COL1A1: variants seen among roughly 807,000 people sequenced by gnomAD.
COL1A1 encodes the protein collagen type I alpha 1 chain.
COL1A1 carries 21 observed loss-of-function variants against 195.7 expected under a neutral mutation model. The observed-to-expected ratio is 0.11, with a 90% CI of 0.08 to 0.15. The LOEUF (loss-of-function observed/expected upper bound fraction) is 0.15. COL1A1 is among the 10% of genes least tolerant of loss of function. The pLI is 1.00. For missense variants in COL1A1, 1,365 were observed against 2,051.0 expected (o/e 0.67, Z 6.46); for synonymous variants, 749 against 747.3 (o/e 1.00, Z -0.04).
At position 50,201,451 on chromosome 17, in the gene COL1A1, G is replaced by A. The variant is rs536939800; in HGVS notation, c.63C>T (p.His21=). The change falls in exon 1 of 51, where the codon CAC becomes CAT. Residue 21 remains histidine (H), a synonymous_variant. Coordinates refer to ENST00000225964, the MANE Select transcript of COL1A1 (RefSeq NM_000088.4). The stretch of plus-strand genomic sequence containing the variant: ...CCTCGACTTGGCCTTCCTCTTGGCC[G>A]TGCGTCAGGAGGGCGGTGGCCGCTA... ...LLLAATALLT[H]GQEEGQVEGQ... is the part of the protein sequence containing the mutation. 1.2e-5 allele frequency: 20 copies of A among 1,613,620 alleles called. 1 individual carries two copies. The highest frequency in any genetic ancestry group is 5.5e-5 in the South Asian group (5 of 91,062).
In COL1A1 at chr17:50,188,680, G is replaced by T. The variant is rs780931952; in HGVS notation, c.3100-43C>A. ...GGAATATGGGTCAGCCCCGGGTGAA[G>T]GGCCAGGATGGGGCAGGGAAGCAGC... On this transcript the variant is annotated intron_variant, in intron 42 of 50. Coordinates refer to ENST00000225964, the MANE Select transcript of COL1A1 (RefSeq NM_000088.4). This position sits in a 1 kb window ranked among gnomAD's most constrained non-coding sequence, Gnocchi z 5.6. The T allele has an allele frequency of 1.2e-6, 2 of 1,613,310 alleles. No homozygotes were observed. The highest frequency in any genetic ancestry group is 1.3e-5 in the African/African-American group (1 of 74,868).
In COL1A1 at chr17:50,190,608, G is replaced by GGA. The variant is rs762799227; in HGVS notation, c.2344-14_2344-13dup. The GGA allele has an allele frequency of 6.2e-7, 1 of 1,612,968 alleles. No homozygotes were observed. Among genetic ancestry groups the GGA allele is most frequent in the South Asian group, 1.1e-5 (1 of 91,008 alleles). ...GGACCACTTTCACCCTGAGAGCAAG[G>GGA]GACAAGAGGCTCAGGGTCAGGGCCT... On this transcript the variant is annotated splice_polypyrimidine_tract_variant and intron_variant, in intron 33 of 50. Coordinates refer to ENST00000225964, the MANE Select transcript of COL1A1 (RefSeq NM_000088.4). This position sits in a 1 kb window ranked among gnomAD's most constrained non-coding sequence, Gnocchi z 4.7.
intron 9 of COL1A1, 55 bp from the exon 10 acceptor site, chr17:50,197,288 G>T: frequency 6.3e-7 from 1 of 1,581,732 alleles, no homozygotes; most frequent in Non-Finnish European, 8.7e-7. Flanking sequence ...CCGCCTAGGG[G>T]CTGGAAAAGT....
chr17:50,193,189 G>A (rs1199839943), intron 25 of COL1A1, 142 bp from the exon 26 acceptor site: 18 of 824,390 alleles, frequency 2.2e-5, no homozygotes, highest in Non-Finnish European at 3.1e-5. Context: ...GCCCCTGCAG[G>A]TGCTTCTTGC....
Position 50,190,075 on chromosome 17 carries a change from G to C in COL1A1, c.2485C>G (p.Pro829Ala). The C allele has an allele frequency of 6.2e-7, 1 of 1,613,846 alleles. No individual in the cohort carries two copies. The highest frequency in any genetic ancestry group is 8.5e-7 in the Non-Finnish European group (1 of 1,179,950). ...ADGQPGAKGE[P>A]GDAGAKGDAG... ...TCGCCTTTAGCACCAGCATCACCAG[G>C]TTCGCCTTTAGCACCAGGTTGGCCG... Residue 829 changes from proline (P) to alanine (A), a missense_variant, in exon 36 of 51, where the codon CCT becomes GCT. By Grantham distance (27) the Pro-to-Ala change is conservative. Around this residue, in one of 5 missense-constraint regions of COL1A1, gnomAD observed 671 missense variants for 1,099.9 expected, o/e 0.61. Coordinates refer to ENST00000225964, the MANE Select transcript of COL1A1 (RefSeq NM_000088.4). This position sits in a 1 kb window ranked among gnomAD's most constrained non-coding sequence, Gnocchi z 4.7.
At position 50,195,482 on chromosome 17, in the gene COL1A1, T is replaced by A. The variant is rs954564659; in HGVS notation, c.1156-4A>T. The A allele has an allele frequency of 1.9e-6, 3 of 1,613,876 alleles. No homozygotes were observed. The highest frequency in any genetic ancestry group is 2.5e-6 in the Non-Finnish European group (3 of 1,179,950). On this transcript the variant is annotated splice_polypyrimidine_tract_variant and splice_region_variant and intron_variant, in intron 17 of 50. Coordinates refer to ENST00000225964, the MANE Select transcript of COL1A1 (RefSeq NM_000088.4). The surrounding 1 kb of genome is among the most constrained non-coding windows in gnomAD (Gnocchi z 4.3). ...GTCCATCAGCACCAGGGTTTCCCTGTGGCACAGAGAAAGGAGTGTCAGCAA... is the reference window on the plus strand; with the variant it reads ...GTCCATCAGCACCAGGGTTTCCCTGAGGCACAGAGAAAGGAGTGTCAGCAA...
Position 50,190,641 on chromosome 17 carries a change from A to G in COL1A1, c.2344-45T>C. The G allele has an allele frequency of 1.9e-6, 3 of 1,600,378 alleles. No individual in the cohort carries two copies. Among genetic ancestry groups the G allele is most frequent in the Non-Finnish European group, 1.7e-6 (2 of 1,169,074 alleles). ...GGCTCAGGGTCAGGGCCTCCCCTGA[A>G]TACTCCTAGTAGATGACCCCAGGAG... On this transcript the variant is annotated intron_variant, in intron 33 of 50. Transcript: ENST00000225964. This position sits in a 1 kb window ranked among gnomAD's most constrained non-coding sequence, Gnocchi z 4.7.
chr17:50,191,063 T>C (rs1907031769), intron 32 of COL1A1, 139 bp from the exon 33 acceptor site: 2 of 873,086 alleles, frequency 2.3e-6, no homozygotes, highest in Admixed American at 2.0e-5. Flanking sequence ...CAAAGATTCT[T>C]TCAGGAAAAA....
Position 50,188,576 on chromosome 17 carries a change from G to A in COL1A1, c.3161C>T (p.Pro1054Leu), listed in dbSNP as rs756799633. The A allele has an allele frequency of 2.1e-5, 34 of 1,614,090 alleles. No homozygotes were observed. Among genetic ancestry groups the A allele is most frequent in the Non-Finnish European group, 2.9e-5 (34 of 1,180,002 alleles). Residue 1054 changes from proline (P) to leucine (L), a missense_variant, in exon 43 of 51, where the codon CCT becomes CTT. Physicochemically the swap from Pro to Leu is moderately conservative, Grantham distance 98 (BLOSUM62 -3). Around this residue, in one of 5 missense-constraint regions of COL1A1, gnomAD observed 671 missense variants for 1,099.9 expected, o/e 0.61. Coordinates refer to ENST00000225964, the MANE Select transcript of COL1A1 (RefSeq NM_000088.4). This position sits in a 1 kb window ranked among gnomAD's most constrained non-coding sequence, Gnocchi z 5.6. ...PPGAPGAPGA[P>L]GPVGPAGKSG... The stretch of plus-strand genomic sequence containing the variant: ...CTTGCCAGCAGGGCCAACGGGGCCA[G>A]GGGCACCAGGAGCACCAGGAGCACC...
rs2144574290 is a variant in COL1A1 at position 50,195,016 on chromosome 17, G to A, written c.1353+31C>T. The A allele has an allele frequency of 6.2e-7, 1 of 1,610,604 alleles. No homozygotes were observed. The highest frequency in any genetic ancestry group is 8.5e-7 in the Non-Finnish European group (1 of 1,177,488). Reference sequence around the variant, plus strand: ...GGGGGCTCCTAGGGCAGGGTGGGCTGGGCTGCAAGAAGGATGGCGGGGAGA... The same window carrying A: ...GGGGGCTCCTAGGGCAGGGTGGGCTAGGCTGCAAGAAGGATGGCGGGGAGA... On this transcript the variant is annotated intron_variant, in intron 20 of 50. Coordinates refer to ENST00000225964, the MANE Select transcript of COL1A1 (RefSeq NM_000088.4). The surrounding 1 kb of genome is among the most constrained non-coding windows in gnomAD (Gnocchi z 4.3).
chr17:50,196,104 A>C, intron 15 of COL1A1, 51 bp downstream of exon 15: 1 of 1,612,478 alleles, frequency 6.2e-7, no homozygotes, highest in Non-Finnish European at 8.5e-7. Context: ...AAGAGCAGAT[A>C]CTGAGACCCC....
At chr17:50,200,468 C>T (rs1377100426) in intron 1 of COL1A1, among the ~76,000 whole-genome samples, 3 of 152,162 alleles carry the variant, frequency 2.0e-5, no homozygotes, top group African/African-American at 7.2e-5. Flanking sequence ...CCCCCCAAGA[C>T]TTGAAATGTA....
At position 50,189,153 on chromosome 17, in the gene COL1A1, G is replaced by A. The variant is rs781719159; in HGVS notation, c.2937+15C>T. 8.1e-6 allele frequency: 13 copies of A among 1,607,768 alleles called. No individual in the cohort carries two copies. The highest frequency in any genetic ancestry group is 1.1e-5 in the Non-Finnish European group (13 of 1,174,404). ...GGTTTTTCTCAGGGCCCCCCAAGGT[G>A]AGGGGGGCACTTACAGAGGGGCCAG... On this transcript the variant is annotated intron_variant, in intron 40 of 50. Transcript: ENST00000225964. This position sits in a 1 kb window ranked among gnomAD's most constrained non-coding sequence, Gnocchi z 5.5.
In COL1A1 at chr17:50,189,141, G is replaced by T. The variant is rs1211514982; in HGVS notation, c.2937+27C>A. The stretch of plus-strand genomic sequence containing the variant: ...AAGTCCTGTGATGGTTTTTCTCAGG[G>T]CCCCCCAAGGTGAGGGGGGCACTTA... On this transcript the variant is annotated intron_variant, in intron 40 of 50. Coordinates refer to ENST00000225964, the MANE Select transcript of COL1A1 (RefSeq NM_000088.4). This position sits in a 1 kb window ranked among gnomAD's most constrained non-coding sequence, Gnocchi z 5.5. 3.1e-6 allele frequency: 5 copies of T among 1,607,666 alleles called. No individual in the cohort carries two copies. The highest frequency in any genetic ancestry group is 3.4e-6 in the Non-Finnish European group (4 of 1,174,640).
chr17:50,199,326 C>T lies in COL1A1; in HGVS notation c.371G>A (p.Gly124Glu). ...KGDTGPRGPR[G>E]PAGPPGRDGI... ...ATCTCGGCCAGGGGGGCCTGCGGGT[C>T]CCTGCAGGGGGAGAGGGCGGGGCCG... is the stretch of plus-strand genomic sequence containing the variant. The change falls in exon 5 of 51, where the codon GGA (glycine) becomes GAA (glutamate). Residue 124 changes from glycine (G) to glutamate (E), a missense_variant and splice_region_variant. Around this residue, in one of 5 missense-constraint regions of COL1A1, gnomAD observed 194 missense variants for 221.7 expected, o/e 0.88. Coordinates refer to ENST00000225964, the MANE Select transcript of COL1A1 (RefSeq NM_000088.4). 1 of 1,564,080 alleles carries T rather than the reference C, an allele frequency of 6.4e-7. No individual in the cohort carries two copies. Among genetic ancestry groups the T allele is most frequent in the South Asian group, 1.2e-5 (1 of 85,738 alleles).
At position 50,195,466 on chromosome 17, in the gene COL1A1, C is replaced by T. The variant is rs116794104; in HGVS notation, c.1168G>A (p.Ala390Thr). ...CCTTTAGCACCAGGCTGTCCATCAGCACCAGGGTTTCCCTGTGGCACAGAG... is the reference window on the plus strand; with the variant it reads ...CCTTTAGCACCAGGCTGTCCATCAGTACCAGGGTTTCCCTGTGGCACAGAG... ...GAAGPAGNPG[A>T]DGQPGAKGAN... The change falls in exon 18 of 51, where the codon GCT becomes ACT. Residue 390 changes from alanine to threonine, a missense_variant. By Grantham distance (58) the Ala-to-Thr change is moderately conservative (BLOSUM62 0). This residue lies in a region of COL1A1 where 226 missense variants were observed against 372.9 expected (regional missense o/e 0.61). Coordinates refer to ENST00000225964, the MANE Select transcript of COL1A1 (RefSeq NM_000088.4). The surrounding 1 kb of genome is among the most constrained non-coding windows in gnomAD (Gnocchi z 4.3). 7.6e-4 allele frequency: 1,223 copies of T among 1,614,120 alleles called. 7 individuals carry two copies. The African/African-American group carries it at 0.013, about 17-fold the overall frequency.
chr17:50,194,637 AGAG>A lies in COL1A1; in HGVS notation c.1462-14_1462-12del. 1 of 1,559,504 alleles carries A rather than the reference AGAG, an allele frequency of 6.4e-7. No individual in the cohort carries two copies. Among genetic ancestry groups the A allele is most frequent in the Non-Finnish European group, 8.7e-7 (1 of 1,151,440 alleles). The stretch of plus-strand genomic sequence containing the variant: ...GCTACCAGGTCCACCCTGCAGGAGG[AGAG>A]GAGGCCAGTGAACTCCGCGACACAC... On this transcript the variant is annotated splice_polypyrimidine_tract_variant and intron_variant, in intron 21 of 50. Transcript: ENST00000225964. The surrounding 1 kb of genome is among the most constrained non-coding windows in gnomAD (Gnocchi z 6.8).
At chr17:50,198,139 T>A (rs1907759830) in intron 7 of COL1A1, 22 bp downstream of exon 7, 1 of 1,613,926 alleles carries the variant, frequency 6.2e-7, no homozygotes, top group Non-Finnish European at 8.5e-7. Context: ...AGGAGGCATA[T>A]GAAGACGTCC....
At chr17:50,196,560 C>T in intron 12 of COL1A1, 32 bp from the exon 13 acceptor site, 1 of 1,614,180 alleles carries the variant, frequency 6.2e-7, no homozygotes, top group Non-Finnish European at 8.5e-7. Context: ...GTGAGAAATT[C>T]ATTCATGGTG....
Sources: gnomAD v4.1 joint callset for allele counts (sites outside exome capture counted in the v4.1 genomes callset) on GRCh38, gnomAD v4.1.1 for gene constraint, gnomAD v4.1.1 regional missense constraint, Gnocchi (gnomAD v3.1) non-coding constraint, MANE v1.5 for transcripts, NCBI Gene and HGNC (gene_info 2026-07-23, HGNC 2026-07-21) for gene names.